CHRNA7: variants seen among roughly 807,000 people sequenced by gnomAD.
CHRNA7 encodes neuronal acetylcholine receptor subunit alpha-7.
CHRNA7 carries 17 observed loss-of-function variants against 48.0 expected under a neutral mutation model. The observed-to-expected ratio is 0.35, with a 90% CI of 0.24 to 0.53. The LOEUF is 0.53. CHRNA7 is among the 20% of genes least tolerant of loss of function. The probability of loss-of-function intolerance (pLI) is 0.92; values close to 1 mark genes in which losing one functional copy is unlikely to be tolerated. For synonymous variants in CHRNA7, 75 were observed against 242.3 expected (o/e 0.31, Z 6.41); for missense variants, 155 against 577.7 (o/e 0.27, Z 7.50).
chr15:32,110,854 T>C (rs1353099237), intron 3 of CHRNA7, among the ~76,000 whole-genome samples: 1 of 152,100 alleles, frequency 6.6e-6, no homozygotes, highest in Non-Finnish European at 1.5e-5. Flanking sequence ...TGGTCCCAGG[T>C]TGGGGTGGTG....
chr15:32,064,859 G>C (rs1020111211), intron 2 of CHRNA7, among the ~76,000 whole-genome samples: 3 of 152,144 alleles, frequency 2.0e-5, no homozygotes, highest in African/African-American at 4.8e-5. Flanking sequence ...AGAATAAAAT[G>C]CTAATATTAT....
intron 2 of CHRNA7, among the ~76,000 whole-genome samples, chr15:32,083,539 G>C (rs1226561426): frequency 6.6e-6 from 1 of 152,154 alleles, no homozygotes; most frequent in Non-Finnish European, 1.5e-5. Flanking sequence ...GTAAAAACTA[G>C]TGCAAATTTA....
intron 4 of CHRNA7, among the ~76,000 whole-genome samples, chr15:32,146,167 T>C (rs1484784548): frequency 6.6e-6 from 1 of 152,198 alleles, no homozygotes; most frequent in Non-Finnish European, 1.5e-5. Flanking sequence ...TGTTTAACTT[T>C]CAAAAAAGTC....
intron 4 of CHRNA7, among the ~76,000 whole-genome samples, chr15:32,127,637 C>CT (rs2051091191): frequency 6.6e-6 from 1 of 151,980 alleles, no homozygotes; most frequent in African/African-American, 2.4e-5. Context: ...TGCCCGTTTT[C>CT]TAGTTAGATT....
chr15:32,063,744 C>T (rs2175886), intron 2 of CHRNA7, among the ~76,000 whole-genome samples: 65,970 of 152,048 alleles, frequency 0.43, 16,329 homozygotes, highest in South Asian at 0.63. Flanking sequence ...TTGAGGGACC[C>T]CTTCCATGAG....
At chr15:32,074,841 G>A (rs2141223832) in intron 2 of CHRNA7, among the ~76,000 whole-genome samples, 1 of 152,024 alleles carries the variant, frequency 6.6e-6, no homozygotes, top group African/African-American at 2.4e-5. Context: ...TAGAGATGAG[G>A]TTTCACCATG....
intron 2 of CHRNA7, among the ~76,000 whole-genome samples, chr15:32,051,254 G>T (rs2049668987): frequency 1.3e-5 from 2 of 151,880 alleles, no homozygotes; most frequent in Admixed American, 1.3e-4. Flanking sequence ...CCCCAGAGGT[G>T]GAGCCTACGG....
At chr15:32,048,081 TATTGAGG>T (rs1355277737) in intron 2 of CHRNA7, among the ~76,000 whole-genome samples, 1 of 152,226 alleles carries the variant, frequency 6.6e-6, no homozygotes, top group Non-Finnish European at 1.5e-5. Context: ...GCCAGTATTT[TATTGAGG>T]ATTTTTGCAT....
chr15:32,126,618 C>T (rs990238997), intron 4 of CHRNA7, among the ~76,000 whole-genome samples: 2 of 152,148 alleles, frequency 1.3e-5, no homozygotes, highest in African/African-American at 2.4e-5. Flanking sequence ...TGTGGTTAGA[C>T]GGACTGCATT....
chr15:32,156,486 A>G (rs1478125146), intron 5 of CHRNA7: 1 of 47,438 alleles, frequency 2.1e-5, no homozygotes, highest in Admixed American at 2.1e-4. Context: ...AGAAGTTTGC[A>G]GAGTGCCAGC....
intron 2 of CHRNA7, among the ~76,000 whole-genome samples, chr15:32,046,397 AT>A (rs1296065992): frequency 6.8e-6 from 1 of 147,566 alleles, no homozygotes; most frequent in Non-Finnish European, 1.5e-5. Flanking sequence ...TGTGGTTTTG[AT>A]TTGCATTTCT....
At chr15:32,112,387 T>G (rs112573052) in intron 4 of CHRNA7, 1 of 456,892 alleles carries the variant, frequency 2.2e-6, no homozygotes, top group African/African-American at 2.0e-5. Context: ...CTGTCATCTC[T>G]AGCTGCATGC....
chr15:32,042,700 T>A (rs1178455904), intron 2 of CHRNA7, among the ~76,000 whole-genome samples: 1 of 152,184 alleles, frequency 6.6e-6, no homozygotes, highest in Non-Finnish European at 1.5e-5. Flanking sequence ...TATGTCCCTG[T>A]TTGTCCCCCT....
chr15:32,063,511 C>T (rs1290173081), intron 2 of CHRNA7, among the ~76,000 whole-genome samples: 1 of 152,220 alleles, frequency 6.6e-6, no homozygotes. Flanking sequence ...GTGCCATCCT[C>T]TTCATACATT....
intron 2 of CHRNA7, among the ~76,000 whole-genome samples, chr15:32,042,801 C>T (rs1349284851): frequency 1.3e-5 from 2 of 152,178 alleles, no homozygotes; most frequent in Non-Finnish European, 2.9e-5. Flanking sequence ...CACCTTTTTA[C>T]TTGTTAGGAC....
intron 2 of CHRNA7, among the ~76,000 whole-genome samples, chr15:32,044,310 C>G (rs1380135210): frequency 9.5e-6 from 1 of 104,840 alleles, no homozygotes; most frequent in Non-Finnish European, 2.2e-5. Flanking sequence ...TGGAGTCTCG[C>G]TGTGTTGCCC....
intron 4 of CHRNA7, among the ~76,000 whole-genome samples, chr15:32,127,874 T>C (rs1007303228): frequency 2.0e-5 from 3 of 152,128 alleles, no homozygotes; most frequent in African/African-American, 7.2e-5. Context: ...TGATGTCAAG[T>C]CTTGGAACTC....
At chr15:32,125,395 G>A (rs1320065795) in intron 4 of CHRNA7, among the ~76,000 whole-genome samples, 1 of 152,216 alleles carries the variant, frequency 6.6e-6, no homozygotes, top group African/African-American at 2.4e-5. Context: ...TGTGGGGTCT[G>A]CCAGCTCTCC....
rs2051855016 is a variant in CHRNA7 at position 32,159,375 on chromosome 15, T to G, written c.794-194T>G. On this transcript the variant is annotated intron_variant, in intron 7 of 9. Coordinates refer to ENST00000306901, the MANE Select transcript of CHRNA7 (RefSeq NM_000746.6). ...AACTTGTCTCCATAAGAGACTCCTT[T>G]GGGACTCTGGTAAGTGGCATGGAAT... The G allele has an allele frequency of 5.9e-5, 26 of 441,786 alleles. 1 individual carries two copies. In the East Asian group the frequency reaches 9.1e-4, roughly 16 times the overall value. The allele number at this position is 441,786 out of a possible 1,614,324, so 27.4% of individuals were successfully genotyped here.
Sources: gnomAD v4.1 joint callset for allele counts (sites outside exome capture counted in the v4.1 genomes callset) on GRCh38, gnomAD v4.1.1 for gene constraint, MANE v1.5 for transcripts, NCBI Gene and HGNC (gene_info 2026-07-23, HGNC 2026-07-21) for gene names.